Variants in ARID1B observed in about 807,000 individuals in gnomAD.
ARID1B encodes the protein AT-rich interaction domain 1B.
Under a neutral mutation model 212.3 loss-of-function variants are expected in ARID1B, and 30 were observed. That is an observed-to-expected ratio of 0.14 (90% CI 0.11 to 0.19). ARID1B has a LOEUF of 0.19. ARID1B is among the 10% of genes least tolerant of loss of function. ARID1B has a pLI of 1.00. For synonymous variants in ARID1B, 1,402 were observed against 1,301.7 expected (o/e 1.08, Z -1.66); for missense variants, 2,891 against 3,204.0 (o/e 0.90, Z 2.36).
At chr6:157,099,228 G>A (rs918117001) in intron 5 of ARID1B, among the ~76,000 whole-genome samples, 13 of 152,172 alleles carry the variant, frequency 8.5e-5, no homozygotes, top group Non-Finnish European at 1.2e-4. Context: ...GATTACAAGC[G>A]TGAGCCATTG....
At chr6:156,903,000 G>C (rs287944) in intron 3 of ARID1B, among the ~76,000 whole-genome samples, 39,302 of 151,920 alleles carry the variant, frequency 0.26, 5,669 homozygotes, top group African/African-American at 0.35. Context: ...AATTTAAGGA[G>C]TCAATAGATA....
At chr6:157,065,301 A>C (rs548748956) in intron 4 of ARID1B, among the ~76,000 whole-genome samples, 3 of 152,362 alleles carry the variant, frequency 2.0e-5, no homozygotes, top group African/African-American at 7.2e-5. Context: ...TCTTTTTTTA[A>C]GCTGAAACTA....
chr6:157,208,508 A>G lies in ARID1B; in HGVS notation c.*617A>G, dbSNP rs139857885. 2.6e-4 allele frequency: 60 copies of G among 233,340 alleles called. No individual in the cohort carries two copies. The highest frequency in any genetic ancestry group is 4.3e-4 in the Non-Finnish European group (51 of 117,846). The allele number at this position is 233,340 out of a possible 1,614,324, so 14.5% of individuals were successfully genotyped here. On this transcript the variant is annotated 3_prime_UTR_variant, in exon 20 of 20. Coordinates refer to ENST00000636930, the MANE Select transcript of ARID1B (RefSeq NM_001374828.1). The stretch of plus-strand genomic sequence containing the variant: ...TTCCATTAGGCTGGGAGCAAAAACA[A>G]TGTTTTTTAAGATTGAGAATACATA...
At chr6:156,948,645 G>T (rs996809948) in intron 4 of ARID1B, among the ~76,000 whole-genome samples, 21 of 152,240 alleles carry the variant, frequency 1.4e-4, no homozygotes, top group African/African-American at 5.1e-4. Flanking sequence ...CAATGATGCA[G>T]AAAAATTCAG....
intron 2 of ARID1B, among the ~76,000 whole-genome samples, chr6:156,846,991 C>T (rs1234212015): frequency 6.6e-6 from 1 of 152,026 alleles, no homozygotes; most frequent in Non-Finnish European, 1.5e-5. Flanking sequence ...TTTTTTTGAC[C>T]TTTCTTATCT....
At chr6:156,801,173 A>G (rs1439719251) in intron 1 of ARID1B, among the ~76,000 whole-genome samples, 2 of 150,640 alleles carry the variant, frequency 1.3e-5, no homozygotes, top group East Asian at 3.9e-4. Context: ...GATGGCTGTC[A>G]GTAGGGTAGG....
intron 2 of ARID1B, among the ~76,000 whole-genome samples, chr6:156,900,006 G>T (rs1009744997): frequency 2.6e-5 from 4 of 152,266 alleles, no homozygotes; most frequent in Non-Finnish European, 5.9e-5. Context: ...ATTCTAGCAT[G>T]TGGAGTTGTA....
chr6:157,127,104 G>A (rs575621788), intron 6 of ARID1B, among the ~76,000 whole-genome samples: 12 of 152,236 alleles, frequency 7.9e-5, no homozygotes, highest in African/African-American at 2.2e-4. Flanking sequence ...AACTACCTTC[G>A]AAATAAATAT....
intron 8 of ARID1B, among the ~76,000 whole-genome samples, chr6:157,158,368 G>A (rs759822576): frequency 6.6e-6 from 1 of 152,156 alleles, no homozygotes; most frequent in Non-Finnish European, 1.5e-5. Flanking sequence ...TCTGTTTCCT[G>A]GACAAGTGCA....
chr6:157,067,781 C>T (rs781047330), intron 4 of ARID1B, among the ~76,000 whole-genome samples: 3 of 152,192 alleles, frequency 2.0e-5, no homozygotes, highest in Non-Finnish European at 4.4e-5. Context: ...CTTCTGCTCT[C>T]TTTCCCCATT....
intron 4 of ARID1B, chr6:156,937,011 A>G (rs1418793515): frequency 1.3e-5 from 2 of 151,852 alleles, no homozygotes; most frequent in African/African-American, 4.8e-5. Flanking sequence ...TAATTTTTAT[A>G]CCTTTTACTT....
Position 157,180,376 on chromosome 6 carries a change from A to C in ARID1B, c.3505-593A>C, listed in dbSNP as rs371199576. 4.7e-4 allele frequency among the ~76,000 whole-genome samples: 71 copies of C among 149,558 alleles called. 2 individuals carry two copies. In the South Asian group the frequency reaches 0.014, roughly 30 times the overall value. Reference sequence around the variant, plus strand: ...TTGACCCTTAGTTTATCTAAAAAAAAAAAACAAAAAAAAACAAAAAACACA... The same window carrying C: ...TTGACCCTTAGTTTATCTAAAAAAACAAAACAAAAAAAAACAAAAAACACA... On this transcript the variant is annotated intron_variant, in intron 11 of 19. Transcript: ENST00000636930.
rs956136902 is a variant in ARID1B, at chr6:157,173,637, G to A, written c.3236-371G>A. ...CCTCTAGGACCTAGGTAGAAAATAC[G>A]CACACCCAGTATTTGCCTCCAACTC... On this transcript the variant is annotated intron_variant, in intron 9 of 19. Transcript: ENST00000636930. The A allele has an allele frequency of 6.8e-5, 11 of 161,666 alleles. No homozygotes were observed. The South Asian group carries it at 1.7e-3, about 25-fold the overall frequency. The allele number at this position is 161,666 out of a possible 1,614,324, so 10.0% of individuals were successfully genotyped here. A position where few individuals can be genotyped will look rare whatever the true frequency, so the allele number is the denominator to read the frequency against.
chr6:157,128,700 A>G (rs141135954), intron 6 of ARID1B, among the ~76,000 whole-genome samples: 3 of 152,370 alleles, frequency 2.0e-5, no homozygotes, highest in African/African-American at 7.2e-5. Flanking sequence ...AATACTTCAT[A>G]TTCAAGAGAG....
At chr6:156,975,289 T>A (rs765274974) in intron 4 of ARID1B, among the ~76,000 whole-genome samples, 8 of 152,222 alleles carry the variant, frequency 5.3e-5, no homozygotes, top group Non-Finnish European at 1.0e-4. Flanking sequence ...TTATACACCC[T>A]TTTTGGTGAA....
At chr6:156,788,035 G>A (rs577762352) in intron 1 of ARID1B, among the ~76,000 whole-genome samples, 46 of 152,190 alleles carry the variant, frequency 3.0e-4, no homozygotes, top group African/African-American at 9.9e-4. Context: ...CCCATGTGGG[G>A]CTTGTTTTCT....
At chr6:156,877,242 C>T (rs192679854) in intron 2 of ARID1B, among the ~76,000 whole-genome samples, 6 of 152,326 alleles carry the variant, frequency 3.9e-5, no homozygotes, top group Non-Finnish European at 5.9e-5. Context: ...AAAATCCAAA[C>T]TTGTGAGTCT....
In ARID1B at chr6:156,876,616, GT is replaced by G. The variant is rs1421771850; in HGVS notation, c.1987-24755del. On this transcript the variant is annotated intron_variant, in intron 2 of 19. Coordinates refer to ENST00000636930, the MANE Select transcript of ARID1B (RefSeq NM_001374828.1). The stretch of plus-strand genomic sequence containing the variant: ...CGCCTGGGAAGTTATTATCCTTGGT[GT>G]TTTTCCCTCACTACCCTCCTCCACT... Among the ~76,000 whole-genome samples, 5 of 152,204 alleles carry G rather than the reference GT, an allele frequency of 3.3e-5. No homozygotes were observed. In the East Asian group the frequency reaches 9.6e-4, roughly 29 times the overall value.
At chr6:156,847,867 A>G (rs1047249972) in intron 2 of ARID1B, among the ~76,000 whole-genome samples, 3 of 152,138 alleles carry the variant, frequency 2.0e-5, no homozygotes, top group Non-Finnish European at 2.9e-5. Flanking sequence ...ACAGAACCCA[A>G]CTCGACCTCC....
Sources: gnomAD v4.1 joint callset for allele counts (sites outside exome capture counted in the v4.1 genomes callset) on GRCh38, gnomAD v4.1.1 for gene constraint, MANE v1.5 for transcripts, NCBI Gene and HGNC (gene_info 2026-07-23, HGNC 2026-07-21) for gene names.